OPCML: variants seen among roughly 807,000 people sequenced by gnomAD.
OPCML encodes the protein opioid binding protein/cell adhesion molecule like.
OPCML carries 13 observed loss-of-function variants against 37.8 expected under a neutral mutation model. That is an observed-to-expected ratio of 0.34 (90% CI 0.22 to 0.55). OPCML has a LOEUF of 0.55. Ranked by LOEUF, OPCML falls within the 20% of genes least tolerant of loss-of-function variation. The pLI is 0.91. For synonymous variants in OPCML, 176 were observed against 168.8 expected (o/e 1.04, Z -0.33); for missense variants, 341 against 435.6 (o/e 0.78, Z 1.93).
chr11:133,240,331 T>C (rs1415409695), intron 1 of OPCML, among the ~76,000 whole-genome samples: 4 of 152,170 alleles, frequency 2.6e-5, no homozygotes, highest in Non-Finnish European at 5.9e-5. Flanking sequence ...TATGCTTAAT[T>C]TCTGTCCACC....
At chr11:133,456,931 G>A (rs1946683173) in intron 1 of OPCML, among the ~76,000 whole-genome samples, 1 of 152,150 alleles carries the variant, frequency 6.6e-6, no homozygotes, top group Admixed American at 6.5e-5. Flanking sequence ...AGGAAAGAGA[G>A]AAAAGGGCAG....
In OPCML at chr11:132,419,393, T is replaced by C. The variant is rs1043945184; in HGVS notation, c.*800A>G. ...CTGTACCATTACTTTGATAGATAGC[T>C]TGACAAAACCTAAATAAATCAGCCA... On this transcript the variant is annotated 3_prime_UTR_variant, in exon 8 of 8. Coordinates refer to ENST00000524381, the MANE Select transcript of OPCML (RefSeq NM_001012393.5). 12 of 152,222 alleles carry C rather than the reference T, an allele frequency of 7.9e-5. No individual in the cohort carries two copies. The highest frequency in any genetic ancestry group is 1.3e-4 in the Non-Finnish European group (9 of 68,050). 9.4% of individuals were successfully genotyped at this position (152,222 alleles called of 1,614,324 possible).
intron 1 of OPCML, among the ~76,000 whole-genome samples, chr11:133,436,151 G>T (rs766188843): frequency 6.6e-6 from 1 of 151,888 alleles, no homozygotes; most frequent in Non-Finnish European, 1.5e-5. Context: ...AAAAAAAAAT[G>T]CTAACATACC....
intron 2 of OPCML, among the ~76,000 whole-genome samples, chr11:132,875,670 G>C (rs991303047): frequency 2.6e-5 from 4 of 151,996 alleles, no homozygotes; most frequent in Non-Finnish European, 5.9e-5. Flanking sequence ...CTCCACGTTG[G>C]TCAGGCTGGT....
intron 1 of OPCML, among the ~76,000 whole-genome samples, chr11:133,236,139 C>T (rs1373240002): frequency 2.0e-5 from 3 of 152,040 alleles, no homozygotes; most frequent in Non-Finnish European, 4.4e-5. Flanking sequence ...ACTACTTTTG[C>T]AATTTGGGGC....
chr11:132,979,859 G>A (rs1327418271), intron 1 of OPCML, among the ~76,000 whole-genome samples: 1 of 152,132 alleles, frequency 6.6e-6, no homozygotes, highest in Admixed American at 6.5e-5. Flanking sequence ...GAAGAAGGCA[G>A]GGGGATTATA....
intron 1 of OPCML, among the ~76,000 whole-genome samples, chr11:133,156,089 GATCTT>G (rs1044216730): frequency 1.3e-5 from 2 of 152,138 alleles, no homozygotes; most frequent in African/African-American, 4.8e-5. Context: ...AGGCTAATCA[GATCTT>G]ATCACTCCCC....
intron 4 of OPCML, among the ~76,000 whole-genome samples, chr11:132,455,284 C>T (rs902108823): frequency 6.6e-6 from 1 of 152,184 alleles, no homozygotes; most frequent in Non-Finnish European, 1.5e-5. Flanking sequence ...TGCCAACTGG[C>T]TGCTTAGCCT....
chr11:133,001,843 T>G (rs1039820786), intron 1 of OPCML, among the ~76,000 whole-genome samples: 1 of 152,232 alleles, frequency 6.6e-6, no homozygotes, highest in Admixed American at 6.5e-5. Context: ...CTGAGAGGGA[T>G]GTGCTTGACA....
At chr11:132,551,688 G>A (rs2096382023) in intron 3 of OPCML, among the ~76,000 whole-genome samples, 1 of 152,114 alleles carries the variant, frequency 6.6e-6, no homozygotes, top group Admixed American at 6.6e-5. Flanking sequence ...CAAGAAGACA[G>A]TTTTAATTCC....
chr11:132,666,239 G>A (rs1565759234), intron 2 of OPCML, among the ~76,000 whole-genome samples: 1 of 152,166 alleles, frequency 6.6e-6, no homozygotes, highest in African/African-American at 2.4e-5. Context: ...ATCTGCTTCT[G>A]GTGAGGGCCT....
intron 1 of OPCML, among the ~76,000 whole-genome samples, chr11:132,983,578 G>A (rs1946633063): frequency 6.6e-6 from 1 of 152,060 alleles, no homozygotes; most frequent in Admixed American, 6.6e-5. Flanking sequence ...TAAGCTCCTG[G>A]AGAACCGAGA....
At chr11:133,298,650 T>G (rs1441869184) in intron 1 of OPCML, 2 of 152,120 alleles carry the variant, frequency 1.3e-5, no homozygotes, top group Admixed American at 1.3e-4. Flanking sequence ...AAGAAAACAT[T>G]TTTTGATCAT....
chr11:133,471,185 C>A (rs568933290), intron 1 of OPCML, among the ~76,000 whole-genome samples: 56 of 152,184 alleles, frequency 3.7e-4, no homozygotes, highest in Admixed American at 6.5e-4. Flanking sequence ...TGGGAGGGAT[C>A]ACTGGGAGGT....
rs145991370 is a variant in OPCML at position 132,607,348 on chromosome 11, C to T, written c.379+49739G>A. ...TGGGGTCTCTAGAGATAATCTATAA[C>T]TGGACTGTAGGTTCTTTGAACACGA... On this transcript the variant is annotated intron_variant, in intron 3 of 7. Transcript: ENST00000524381. Among the ~76,000 whole-genome samples the T allele has an allele frequency of 1.1e-3, 167 of 152,290 alleles. 1 individual carries two copies. The highest frequency in any genetic ancestry group is 3.8e-3 in the African/African-American group (157 of 41,554).
At chr11:133,023,081 G>C (rs188283640) in intron 1 of OPCML, among the ~76,000 whole-genome samples, 1 of 152,314 alleles carries the variant, frequency 6.6e-6, no homozygotes, top group Admixed American at 6.5e-5. Flanking sequence ...AGATGAGTTA[G>C]CTCTTTAACA....
Position 133,455,694 on chromosome 11 carries a change from G to A in OPCML, c.61+76570C>T, listed in dbSNP as rs565821945. Among the ~76,000 whole-genome samples the A allele has an allele frequency of 3.9e-5, 6 of 152,208 alleles. No individual in the cohort carries two copies. The South Asian group carries it at 1.2e-3, about 32-fold the overall frequency. ...GCTGAACAGCAGTAAAGTCAGCAAG[G>A]CGGCAGGCTAGGAAGGTCTACACCC... On this transcript the variant is annotated intron_variant, in intron 1 of 7. Coordinates refer to ENST00000524381, the MANE Select transcript of OPCML (RefSeq NM_001012393.5).
chr11:133,440,530 C>A (rs1197939191), intron 1 of OPCML, among the ~76,000 whole-genome samples: 1 of 151,180 alleles, frequency 6.6e-6, no homozygotes, highest in Admixed American at 6.6e-5. Flanking sequence ...AGTTCAAGAC[C>A]AGACTGACCA....
chr11:132,424,601 C>T (rs907851785), intron 7 of OPCML, among the ~76,000 whole-genome samples: 5 of 152,120 alleles, frequency 3.3e-5, no homozygotes, highest in South Asian at 2.1e-4. Context: ...GGTCGCTGAC[C>T]GCAATCTGGC....
Sources: gnomAD v4.1 joint callset for allele counts (sites outside exome capture counted in the v4.1 genomes callset) on GRCh38, gnomAD v4.1.1 for gene constraint, MANE v1.5 for transcripts, NCBI Gene and HGNC (gene_info 2026-07-23, HGNC 2026-07-21) for gene names.